GLIS3: variants seen among roughly 807,000 people sequenced by gnomAD.
The protein encoded by GLIS3 is GLIS family zinc finger 3.
Under a neutral mutation model 78.6 loss-of-function variants are expected in GLIS3, and 53 were observed. The ratio of observed to expected loss-of-function variants is 0.67; its 90% confidence interval spans 0.54 to 0.85. The LOEUF is 0.85. Among genes scored for constraint, GLIS3 ranks in the 40% least tolerant of loss-of-function variants. The pLI is 0.00. For missense variants in GLIS3, 1,703 were observed against 1,231.1 expected, an observed-to-expected ratio of 1.38 and a Z score of -5.74; for synonymous variants, 684 against 509.9, an observed-to-expected ratio of 1.34 and a Z score of -4.60.
rs1251878625 is a variant in GLIS3, at chr9:3,827,182, G to A, written c.*1090C>T. 1 of 152,156 alleles carries A rather than the reference G, an allele frequency of 6.6e-6. No individual in the cohort carries two copies. Among genetic ancestry groups the A allele is most frequent in the Non-Finnish European group, 1.5e-5 (1 of 68,028 alleles). 9.4% of individuals were successfully genotyped at this position (152,156 alleles called of 1,614,324 possible). ...AAAAAGAGGGTGGAGAGAAGTGTAG[G>A]GAAGAGACAGACAGATGAGTGGATA... On this transcript the variant is annotated 3_prime_UTR_variant, in exon 11 of 11. Transcript: ENST00000381971.
At chr9:4,148,142 C>G (rs901316059) in intron 2 of GLIS3, among the ~76,000 whole-genome samples, 1 of 152,028 alleles carries the variant, frequency 6.6e-6, no homozygotes, top group Non-Finnish European at 1.5e-5. Context: ...ACTTGAACAC[C>G]AGGAATGCTT....
chr9:3,999,143 C>T lies in GLIS3; in HGVS notation c.1711-61954G>A, dbSNP rs533386442. Among the ~76,000 whole-genome samples the T allele has an allele frequency of 3.9e-5, 6 of 152,174 alleles. No homozygotes were observed. In the East Asian group the frequency reaches 1.2e-3, roughly 29 times the overall value. ...CATAATTTTACAGCTTCATAGTATT[C>T]AACTGTATGGCTATGCCATGGTAAT... On this transcript the variant is annotated intron_variant, in intron 4 of 10. Coordinates refer to ENST00000381971, the MANE Select transcript of GLIS3 (RefSeq NM_001042413.2).
At chr9:4,334,904 CTTTTTTTTTT>C (rs56017714) in intron 2 of GLIS3, among the ~76,000 whole-genome samples, 3 of 107,020 alleles carry the variant, frequency 2.8e-5, no homozygotes, top group Admixed American at 1.2e-4. Flanking sequence ...TCATTTCCAC[CTTTTTTTTTT>C]TTTTTTTTTT....
chr9:4,329,317 T>G (rs1287728522), intron 2 of GLIS3, among the ~76,000 whole-genome samples: 1 of 152,234 alleles, frequency 6.6e-6, no homozygotes, highest in East Asian at 1.9e-4. Context: ...TCCTCACACT[T>G]TTCTCTGTTA....
At chr9:4,298,170 CCTGCGCGCG>C (rs1816752040) in intron 1 of GLIS3, among the ~76,000 whole-genome samples, 1 of 152,004 alleles carries the variant, frequency 6.6e-6, no homozygotes, top group Non-Finnish European at 1.5e-5. Context: ...GCGCCGGGGA[CCTGCGCGCG>C]CTGCCCGGCC....
At chr9:4,480,993 C>A in the GLIS3 span, among the ~76,000 whole-genome samples, 1 of 151,920 alleles carries the variant, frequency 6.6e-6, no homozygotes. Context: ...TAGCTGGGGC[C>A]ATGGGCAAGC....
intron 9 of GLIS3, among the ~76,000 whole-genome samples, chr9:3,849,567 C>T (rs1272230881): frequency 6.6e-6 from 1 of 152,164 alleles, no homozygotes; most frequent in Non-Finnish European, 1.5e-5. Flanking sequence ...ACTGCTGACT[C>T]TGTGAGGCTC....
At chr9:4,296,358 C>A (rs1816507624) in intron 1 of GLIS3, among the ~76,000 whole-genome samples, 1 of 151,304 alleles carries the variant, frequency 6.6e-6, no homozygotes, top group African/African-American at 2.4e-5. Flanking sequence ...GGACCACTTT[C>A]TCCTGCATAA....
At chr9:4,019,105 G>A (rs1445031703) in intron 4 of GLIS3, among the ~76,000 whole-genome samples, 1 of 152,170 alleles carries the variant, frequency 6.6e-6, no homozygotes, top group Admixed American at 6.5e-5. Context: ...TCCATTTGAT[G>A]CGGGATGAAG....
rs553630939 is a variant in GLIS3 at position 3,832,956 on chromosome 9, T to C, written c.2474-3464A>G. 1.2e-4 allele frequency among the ~76,000 whole-genome samples: 18 copies of C among 152,342 alleles called. 1 individual carries two copies. The highest frequency in any genetic ancestry group is 4.3e-4 in the African/African-American group (18 of 41,600). ...TTTATTCACCCTTTCCTATCTTCTC[T>C]CATTTTACTAAGAGGGAACAGAAGT... On this transcript the variant is annotated intron_variant, in intron 9 of 10. Coordinates refer to ENST00000381971, the MANE Select transcript of GLIS3 (RefSeq NM_001042413.2).
chr9:4,453,539 A>G, the GLIS3 span, among the ~76,000 whole-genome samples: 9 of 152,138 alleles, frequency 5.9e-5, no homozygotes. Flanking sequence ...CACTTCTCAA[A>G]AGAAGACATT....
At chr9:4,059,308 A>G (rs1439653534) in intron 4 of GLIS3, among the ~76,000 whole-genome samples, 1 of 151,262 alleles carries the variant, frequency 6.6e-6, no homozygotes, top group Non-Finnish European at 1.5e-5. Flanking sequence ...TTAAGTCATT[A>G]AAATATTCTC....
At chr9:4,162,651 T>C (rs1320729274) in intron 2 of GLIS3, among the ~76,000 whole-genome samples, 1 of 151,910 alleles carries the variant, frequency 6.6e-6, no homozygotes, top group Non-Finnish European at 1.5e-5. Flanking sequence ...CGAGGTCAGA[T>C]CGAGACCATC....
chr9:4,356,506 T>C, the GLIS3 span, among the ~76,000 whole-genome samples: 1 of 152,204 alleles, frequency 6.6e-6, no homozygotes, highest in Non-Finnish European at 1.5e-5. Flanking sequence ...TGGGAATGAC[T>C]GACAGATATT....
At chr9:4,428,117 T>A in the GLIS3 span, among the ~76,000 whole-genome samples, 7 of 151,054 alleles carry the variant, frequency 4.6e-5, no homozygotes, top group African/African-American at 7.3e-5. Flanking sequence ...GCCATGGGAG[T>A]TTCAGGTGGC....
At chr9:4,440,239 G>T in the GLIS3 span, among the ~76,000 whole-genome samples, 1 of 152,066 alleles carries the variant, frequency 6.6e-6, no homozygotes, top group Non-Finnish European at 1.5e-5. Context: ...CTGTGATTTT[G>T]AGGTCTTATC....
chr9:4,413,902 G>T, the GLIS3 span, among the ~76,000 whole-genome samples: 1 of 152,026 alleles, frequency 6.6e-6, no homozygotes, highest in Non-Finnish European at 1.5e-5. Context: ...ATCCAAATAT[G>T]GCTTAACTTC....
intron 2 of GLIS3, among the ~76,000 whole-genome samples, chr9:4,329,492 TATA>T (rs1817651910): frequency 6.6e-6 from 1 of 152,142 alleles, no homozygotes; most frequent in Non-Finnish European, 1.5e-5. Flanking sequence ...TCTGGGGGCC[TATA>T]ATAAGACCAC....
chr9:4,144,009 G>A (rs917150198), intron 2 of GLIS3, among the ~76,000 whole-genome samples: 1 of 152,168 alleles, frequency 6.6e-6, no homozygotes, highest in Admixed American at 6.5e-5. Context: ...ACCTTAGTAT[G>A]GAAAGATTTT....
Sources: gnomAD v4.1 joint callset for allele counts (sites outside exome capture counted in the v4.1 genomes callset) on GRCh38, gnomAD v4.1.1 for gene constraint, MANE v1.5 for transcripts, NCBI Gene and HGNC (gene_info 2026-07-23, HGNC 2026-07-21) for gene names.